SGK1: variants seen among roughly 807,000 people sequenced by gnomAD.
SGK1 encodes the protein serum/glucocorticoid regulated kinase 1.
A neutral mutation model predicts 64.2 loss-of-function variants in SGK1; 26 were observed. The observed-to-expected ratio is 0.40, with a 90% CI of 0.30 to 0.56. SGK1 has a LOEUF of 0.56. SGK1 is among the 20% of genes least tolerant of loss of function. The pLI is 0.38. For synonymous variants in SGK1, 265 were observed against 239.7 expected, an observed-to-expected ratio of 1.11 and a Z score of -0.98; for missense variants, 519 against 645.6, an observed-to-expected ratio of 0.80 and a Z score of 2.12.
intron 3 of SGK1, chr6:134,175,439 C>T (rs1775201222): frequency 7.6e-7 from 1 of 1,308,952 alleles, no homozygotes; most frequent in Admixed American, 4.1e-5. Context: ...CCGTTCCCGC[C>T]GCCGGGACCC....
At chr6:134,223,341 C>T (rs923021272) in intron 2 of SGK1, among the ~76,000 whole-genome samples, 6 of 149,410 alleles carry the variant, frequency 4.0e-5, no homozygotes, top group African/African-American at 1.5e-4. Context: ...GCACTCAAGC[C>T]TGGGCAACAA....
At chr6:134,289,743 T>C (rs1777236452) in intron 1 of SGK1, among the ~76,000 whole-genome samples, 1 of 152,192 alleles carries the variant, frequency 6.6e-6, no homozygotes, top group Non-Finnish European at 1.5e-5. Context: ...AGGTCTCATA[T>C]GTAGCAGAGA....
intron 2 of SGK1, 31 bp from the exon 3 acceptor site, chr6:134,207,462 T>C (rs1392205672): frequency 5.5e-6 from 8 of 1,465,326 alleles, no homozygotes; most frequent in Non-Finnish European, 6.7e-6. Context: ...AGAAGTGATA[T>C]AAAAATGGCT....
intron 2 of SGK1, among the ~76,000 whole-genome samples, chr6:134,224,877 C>G (rs1055343100): frequency 3.3e-5 from 5 of 151,148 alleles, no homozygotes; most frequent in Non-Finnish European, 7.4e-5. Flanking sequence ...AAAAATTAGC[C>G]AGGCGTGGTA....
intron 3 of SGK1, among the ~76,000 whole-genome samples, chr6:134,175,382 T>C (rs1775199342): frequency 6.6e-6 from 1 of 151,842 alleles, no homozygotes; most frequent in Non-Finnish European, 1.5e-5. Context: ...CCGGGGTTTA[T>C]CCCTGGGGCG....
At chr6:134,250,016 A>C (rs1262249654) in intron 2 of SGK1, among the ~76,000 whole-genome samples, 1 of 152,212 alleles carries the variant, frequency 6.6e-6, no homozygotes, top group Non-Finnish European at 1.5e-5. Flanking sequence ...GCTACTCATC[A>C]AACCCAGCCA....
At chr6:134,245,903 C>T (rs1251011751) in intron 2 of SGK1, among the ~76,000 whole-genome samples, 3 of 152,194 alleles carry the variant, frequency 2.0e-5, no homozygotes, top group Admixed American at 1.3e-4. Flanking sequence ...CTTGTTCTCA[C>T]TTGTTCTATA....
At chr6:134,267,118 CT>C (rs1776865638) in intron 1 of SGK1, among the ~76,000 whole-genome samples, 1 of 152,162 alleles carries the variant, frequency 6.6e-6, no homozygotes, top group Non-Finnish European at 1.5e-5. Context: ...TATATCTCCC[CT>C]GACTCCCTGA....
At chr6:134,229,894 T>G (rs1458477991) in intron 2 of SGK1, among the ~76,000 whole-genome samples, 1 of 152,158 alleles carries the variant, frequency 6.6e-6, no homozygotes, top group Non-Finnish European at 1.5e-5. Context: ...GAAAACATCT[T>G]GTTTAGAATT....
At chr6:134,177,594 G>T in intron 3 of SGK1, 1 of 1,226,254 alleles carries the variant, frequency 8.2e-7, no homozygotes, top group Non-Finnish European at 1.2e-6. Flanking sequence ...CACCTTATGT[G>T]CCTTCCCCAT....
chr6:134,170,758 A>C, intron 13 of SGK1, 68 bp downstream of exon 13: 1 of 1,053,088 alleles, frequency 9.5e-7, no homozygotes, highest in South Asian at 1.4e-5. Flanking sequence ...ACCCTCCCCC[A>C]GACAATTCTG....
intron 1 of SGK1, among the ~76,000 whole-genome samples, chr6:134,263,341 A>G (rs895749941): frequency 1.4e-4 from 21 of 151,914 alleles, no homozygotes; most frequent in African/African-American, 4.8e-4. Context: ...GGCTCAAGCA[A>G]TCCTCTCACC....
At chr6:134,276,938 T>C (rs1777026942) in intron 1 of SGK1, among the ~76,000 whole-genome samples, 1 of 152,102 alleles carries the variant, frequency 6.6e-6, no homozygotes, top group African/African-American at 2.4e-5. Flanking sequence ...TAATCCCAGC[T>C]ACTCAGGATG....
chr6:134,208,898 A>G lies in SGK1; in HGVS notation c.286-1467T>C, dbSNP rs866857580. On this transcript the variant is annotated intron_variant, in intron 2 of 13. Transcript: ENST00000367858. ...CATATACATACATGTATGTGTGTGTATATATATATACACACACACGTGTTT... is the reference window on the plus strand; with the variant it reads ...CATATACATACATGTATGTGTGTGTGTATATATATACACACACACGTGTTT... Among the ~76,000 whole-genome samples the G allele has an allele frequency of 1.6e-3, 226 of 142,978 alleles. 2 individuals carry two copies. The highest frequency in any genetic ancestry group is 6.9e-3 in the Middle Eastern group (2 of 288). The allele number at this position is 142,978 out of a possible 152,430, so 93.8% of individuals were successfully genotyped here. A position where few individuals can be genotyped will look rare whatever the true frequency, so the allele number is the denominator to read the frequency against.
chr6:134,260,147 C>G (rs929195222), intron 2 of SGK1: 1 of 151,900 alleles, frequency 6.6e-6, no homozygotes, highest in Non-Finnish European at 1.5e-5. Context: ...TCAAGACCAG[C>G]CTGGTCAGTA....
At chr6:134,269,446 G>T (rs1776907351) in intron 1 of SGK1, among the ~76,000 whole-genome samples, 3 of 147,362 alleles carry the variant, frequency 2.0e-5, no homozygotes, top group African/African-American at 4.9e-5. Flanking sequence ...ATCATTTGAG[G>T]CCAGGTGTTA....
intron 2 of SGK1, among the ~76,000 whole-genome samples, chr6:134,248,930 A>C (rs1034994806): frequency 5.9e-5 from 9 of 151,984 alleles, no homozygotes; most frequent in Non-Finnish European, 8.8e-5. Flanking sequence ...CTCAAATCTT[A>C]ATTTTATTTT....
At chr6:134,194,633 T>G (rs1728893433) in intron 3 of SGK1, among the ~76,000 whole-genome samples, 1 of 151,684 alleles carries the variant, frequency 6.6e-6, no homozygotes, top group Non-Finnish European at 1.5e-5. Flanking sequence ...GTGATTCTCC[T>G]GCCTCAGTCT....
At chr6:134,232,801 G>A (rs1169371690) in intron 2 of SGK1, among the ~76,000 whole-genome samples, 9 of 150,138 alleles carry the variant, frequency 6.0e-5, no homozygotes, top group Admixed American at 1.3e-4. Flanking sequence ...GCAGTGAGCC[G>A]AGATGGCACC....
Sources: allele counts gnomAD v4.1 joint callset (sites outside exome capture counted in the v4.1 genomes callset), GRCh38; gene constraint gnomAD v4.1.1; transcripts MANE v1.5; gene names NCBI Gene and HGNC (gene_info 2026-07-23, HGNC 2026-07-21).